The following ELP3 variants were observed in gnomAD, a reference collection of about 807,000 sequenced individuals.
The protein encoded by ELP3 is elongator complex protein 3.
Under a neutral mutation model 74.9 loss-of-function variants are expected in ELP3, and 56 were observed. The ratio of observed to expected loss-of-function variants is 0.75; its 90% confidence interval spans 0.60 to 0.93. The LOEUF is 0.93. Ranked by LOEUF, ELP3 falls within the 40% of genes least tolerant of loss-of-function variation. The pLI, the probability that ELP3 is intolerant of heterozygous loss-of-function variation, is 0.00. For synonymous variants in ELP3, 222 were observed against 239.8 expected, an observed-to-expected ratio of 0.93 and a Z score of 0.68; for missense variants, 573 against 686.5, an observed-to-expected ratio of 0.83 and a Z score of 1.85.
chr8:28,113,510 G>A (rs1812003958), intron 7 of ELP3, among the ~76,000 whole-genome samples: 1 of 33,394 alleles, frequency 3.0e-5, no homozygotes, highest in Admixed American at 4.3e-4. Context: ...TTTAGCTGCT[G>A]TAAAATCAGC....
At chr8:28,104,528 T>C (rs1008018754) in intron 3 of ELP3, among the ~76,000 whole-genome samples, 1 of 152,258 alleles carries the variant, frequency 6.6e-6, no homozygotes, top group African/African-American at 2.4e-5. Flanking sequence ...AATTGTCATA[T>C]ATCTTTAGTC....
At chr8:28,107,234 T>G (rs1264527871) in intron 4 of ELP3, among the ~76,000 whole-genome samples, 1 of 152,042 alleles carries the variant, frequency 6.6e-6, no homozygotes, top group African/African-American at 2.4e-5. Flanking sequence ...GGCAACAGAG[T>G]GAGACTCCAT....
chr8:28,096,378 T>TA (rs1231447863), intron 1 of ELP3, among the ~76,000 whole-genome samples: 1 of 152,230 alleles, frequency 6.6e-6, no homozygotes, highest in Non-Finnish European at 1.5e-5. Flanking sequence ...TCATCTTCCA[T>TA]AAAACCAGTT....
intron 10 of ELP3, among the ~76,000 whole-genome samples, chr8:28,142,654 AAG>A (rs1210557696): frequency 2.0e-5 from 3 of 152,182 alleles, no homozygotes; most frequent in Non-Finnish European, 4.4e-5. Context: ...GCCATTGGTG[AAG>A]AGAGTCATCC....
chr8:28,116,921 A>G (rs1812160875), intron 7 of ELP3, among the ~76,000 whole-genome samples: 1 of 152,210 alleles, frequency 6.6e-6, no homozygotes, highest in African/African-American at 2.4e-5. Context: ...ATTAGTTCAA[A>G]GCCAGGCGAC....
At chr8:28,178,834 C>T (rs910517364) in intron 14 of ELP3, among the ~76,000 whole-genome samples, 3 of 152,146 alleles carry the variant, frequency 2.0e-5, no homozygotes, top group Non-Finnish European at 4.4e-5. Flanking sequence ...TTTTAATTTG[C>T]GTTCCCTGAT....
chr8:28,186,499 C>A (rs990271189), intron 14 of ELP3, among the ~76,000 whole-genome samples: 5 of 152,226 alleles, frequency 3.3e-5, no homozygotes, highest in African/African-American at 1.2e-4. Context: ...TCCGAAATTA[C>A]CTTGCAAAGC....
intron 1 of ELP3, among the ~76,000 whole-genome samples, chr8:28,094,242 C>T (rs1230091571): frequency 6.6e-6 from 1 of 152,206 alleles, no homozygotes; most frequent in Non-Finnish European, 1.5e-5. Flanking sequence ...TTAGAAATTA[C>T]TTCTTGATAT....
chr8:28,158,697 C>G (rs1358166839), intron 12 of ELP3, 64 bp downstream of exon 12: 39 of 1,322,774 alleles, frequency 2.9e-5, no homozygotes, highest in Non-Finnish European at 3.9e-5. Flanking sequence ...ACCCTGGGCC[C>G]ACATATTCTT....
At chr8:28,096,839 T>TAA (rs1811271323) in intron 1 of ELP3, among the ~76,000 whole-genome samples, 1 of 152,268 alleles carries the variant, frequency 6.6e-6, no homozygotes, top group African/African-American at 2.4e-5. Flanking sequence ...TTATGAACTC[T>TAA]AAAGTATTAT....
intron 7 of ELP3, among the ~76,000 whole-genome samples, chr8:28,115,173 A>G (rs1352802052): frequency 6.6e-6 from 1 of 152,152 alleles, no homozygotes; most frequent in Non-Finnish European, 1.5e-5. Flanking sequence ...TGAAGTCTGA[A>G]GAGCCTGTGA....
chr8:28,166,951 A>G (rs529880977), intron 14 of ELP3, among the ~76,000 whole-genome samples: 1 of 152,316 alleles, frequency 6.6e-6, no homozygotes, highest in Admixed American at 6.5e-5. Flanking sequence ...GCAGTATTCT[A>G]TTTGTGTCCT....
chr8:28,114,717 C>T (rs1420218038), intron 7 of ELP3, among the ~76,000 whole-genome samples: 1 of 152,120 alleles, frequency 6.6e-6, no homozygotes, highest in Admixed American at 6.5e-5. Flanking sequence ...CATGTCAGAT[C>T]CCAGTGAACA....
intron 7 of ELP3, chr8:28,113,922 G>A (rs1238932007): frequency 1.3e-5 from 2 of 152,126 alleles, no homozygotes; most frequent in African/African-American, 4.8e-5. Flanking sequence ...CAAATCATGT[G>A]TTATTCAAAC....
At chr8:28,188,946 G>T (rs1343841965) in intron 14 of ELP3, among the ~76,000 whole-genome samples, 1 of 152,114 alleles carries the variant, frequency 6.6e-6, no homozygotes, top group Non-Finnish European at 1.5e-5. Context: ...AGTAGGTAGG[G>T]TCCAAATTGA....
At chr8:28,164,243 A>T (rs551456744) in intron 14 of ELP3, among the ~76,000 whole-genome samples, 6 of 152,226 alleles carry the variant, frequency 3.9e-5, no homozygotes, top group African/African-American at 1.4e-4. Context: ...TCTGCTTTTT[A>T]TGAGCGGGGT....
intron 10 of ELP3, among the ~76,000 whole-genome samples, chr8:28,152,703 G>T (rs533827720): frequency 6.6e-6 from 1 of 152,332 alleles, no homozygotes; most frequent in African/African-American, 2.4e-5. Context: ...CTACTCAGGA[G>T]GCTGAGGCAG....
chr8:28,100,896 C>T (rs577391731), intron 3 of ELP3, among the ~76,000 whole-genome samples: 2 of 152,268 alleles, frequency 1.3e-5, no homozygotes, highest in Non-Finnish European at 2.9e-5. Context: ...TGGTCCCCAG[C>T]ACCAAATTCT....
intron 14 of ELP3, among the ~76,000 whole-genome samples, chr8:28,188,596 T>G (rs553784964): frequency 6.6e-5 from 10 of 152,382 alleles, no homozygotes; most frequent in African/African-American, 2.4e-4. Context: ...CACATCCACT[T>G]GCTGGGAGCA....
Sources: gnomAD v4.1 joint callset for allele counts (sites outside exome capture counted in the v4.1 genomes callset) on GRCh38, gnomAD v4.1.1 for gene constraint, MANE v1.5 for transcripts, NCBI Gene and HGNC (gene_info 2026-07-23, HGNC 2026-07-21) for gene names.